Variants in CDH2 observed in about 807,000 individuals in gnomAD.
The protein encoded by CDH2 is cadherin 2.
Under a neutral mutation model 92.0 loss-of-function variants are expected in CDH2, and 17 were observed. The ratio of observed to expected loss-of-function variants is 0.18; its 90% CI spans 0.13 to 0.28. The LOEUF (loss-of-function observed/expected upper bound fraction) is 0.28. Among genes scored for constraint, CDH2 ranks in the 10% least tolerant of loss-of-function variants. The pLI is 1.00. For missense variants in CDH2, 862 were observed against 1,133.1 expected (o/e 0.76, Z 3.44); for synonymous variants, 419 against 415.9 (o/e 1.01, Z -0.09).
At chr18:27,999,741 C>T (rs1023316244) in intron 7 of CDH2, among the ~76,000 whole-genome samples, 2 of 150,512 alleles carry the variant, frequency 1.3e-5, no homozygotes, top group South Asian at 2.1e-4. Context: ...TATATATATA[C>T]ATTTTTTTTG....
chr18:28,045,585 A>C (rs1430540197), intron 2 of CDH2: 1 of 342,792 alleles, frequency 2.9e-6, no homozygotes, highest in East Asian at 8.2e-5. Context: ...ATCTGAGTGG[A>C]ACACTCTTAC....
At chr18:28,057,873 T>C (rs1367615408) in intron 2 of CDH2, among the ~76,000 whole-genome samples, 8 of 152,120 alleles carry the variant, frequency 5.3e-5, no homozygotes, top group Admixed American at 5.2e-4. Flanking sequence ...AAGTTTCCAT[T>C]ATTAAAAGTT....
chr18:28,121,139 G>A (rs1012900192), intron 2 of CDH2, among the ~76,000 whole-genome samples: 1 of 152,084 alleles, frequency 6.6e-6, no homozygotes, highest in East Asian at 1.9e-4. Flanking sequence ...AAAAATGACC[G>A]CAAGAAATCC....
chr18:28,151,954 A>T (rs1325715408), intron 1 of CDH2, among the ~76,000 whole-genome samples: 1 of 152,180 alleles, frequency 6.6e-6, no homozygotes, highest in Non-Finnish European at 1.5e-5. Flanking sequence ...ATAAAACTTC[A>T]TGTATCCTGA....
intron 2 of CDH2, among the ~76,000 whole-genome samples, chr18:28,112,488 G>A (rs1478590222): frequency 6.6e-6 from 1 of 152,180 alleles, no homozygotes; most frequent in Non-Finnish European, 1.5e-5. Flanking sequence ...TTCAGCAAAA[G>A]GCTGTGAAGT....
chr18:28,086,307 G>C (rs1489923304), intron 2 of CDH2, among the ~76,000 whole-genome samples: 2 of 152,056 alleles, frequency 1.3e-5, no homozygotes, highest in Non-Finnish European at 2.9e-5. Flanking sequence ...GAACTCTATA[G>C]TTATTCAGTT....
chr18:28,054,121 A>C (rs1188646001), intron 2 of CDH2, among the ~76,000 whole-genome samples: 1 of 152,172 alleles, frequency 6.6e-6, no homozygotes, highest in Non-Finnish European at 1.5e-5. Context: ...TGTCTGAGTC[A>C]GATTAAAAGT....
Position 27,992,646 on chromosome 18 carries a change from A to G in CDH2, c.1344+9T>C. On this transcript the variant is annotated intron_variant, in intron 9 of 15. Coordinates refer to ENST00000269141, the MANE Select transcript of CDH2 (RefSeq NM_001792.5). Reference sequence around the variant, plus strand: ...TGTTGGAGAGATCAGTGGCCCGAGGAACACTTACTTTGACCACGGTGACTA... The same window carrying G: ...TGTTGGAGAGATCAGTGGCCCGAGGGACACTTACTTTGACCACGGTGACTA... The G allele has an allele frequency of 6.2e-7, 1 of 1,606,686 alleles. No individual in the cohort carries two copies. Among genetic ancestry groups the G allele is most frequent in the Non-Finnish European group, 8.5e-7 (1 of 1,175,570 alleles).
At chr18:28,079,909 A>G (rs2014795336) in intron 2 of CDH2, among the ~76,000 whole-genome samples, 1 of 152,218 alleles carries the variant, frequency 6.6e-6, no homozygotes, top group Non-Finnish European at 1.5e-5. Context: ...TTTTTAAAGC[A>G]GCAAAATATA....
chr18:28,089,349 C>G (rs1391418923), intron 2 of CDH2, among the ~76,000 whole-genome samples: 1 of 152,160 alleles, frequency 6.6e-6, no homozygotes, highest in East Asian at 1.9e-4. Flanking sequence ...AATCAAACAA[C>G]AATATTCAGT....
At chr18:28,173,389 C>G (rs1012987428) in intron 1 of CDH2, among the ~76,000 whole-genome samples, 1 of 152,060 alleles carries the variant, frequency 6.6e-6, no homozygotes, top group Admixed American at 6.5e-5. Flanking sequence ...CAAGTTAACT[C>G]TTCTTATTTT....
intron 14 of CDH2, among the ~76,000 whole-genome samples, chr18:27,982,733 T>G (rs2143945322): frequency 1.4e-5 from 2 of 138,800 alleles, no homozygotes; most frequent in South Asian, 4.6e-4. Flanking sequence ...AAACAAGGTG[T>G]TTTTTTTTTT....
rs368133718 is a variant in CDH2 at position 27,963,360 on chromosome 18, A to G, written c.2511T>C (p.Asn837=). Residue 837 remains asparagine, a synonymous_variant, in exon 15 of 16, where the codon AAT becomes AAC. Coordinates refer to ENST00000269141, the MANE Select transcript of CDH2 (RefSeq NM_001792.5). ...GAAAACGAGTGTCTCTCTGTACCTC[A>G]TTAATGAAGTCCCCAATGTCTCCAG... The part of the protein sequence containing the change: ...PHPGDIGDFI[N]EGLKAADNDP... 90 of 1,613,936 alleles carry G rather than the reference A, an allele frequency of 5.6e-5. No homozygotes were observed. The highest frequency in any genetic ancestry group is 6.6e-5 in the Non-Finnish European group (78 of 1,179,998).
At chr18:28,095,289 GA>G (rs1228188337) in intron 2 of CDH2, among the ~76,000 whole-genome samples, 18 of 151,580 alleles carry the variant, frequency 1.2e-4, no homozygotes, top group Non-Finnish European at 2.1e-4. Context: ...GAATTTAAAA[GA>G]AAAAAAAGGG....
intron 2 of CDH2, among the ~76,000 whole-genome samples, chr18:28,037,387 G>A (rs2013855647): frequency 6.6e-6 from 1 of 152,078 alleles, no homozygotes; most frequent in African/African-American, 2.4e-5. Context: ...TTTTAACAAT[G>A]GATTGTCAGA....
chr18:28,145,712 T>G (rs1306009111), intron 2 of CDH2, among the ~76,000 whole-genome samples: 1 of 152,034 alleles, frequency 6.6e-6, no homozygotes, highest in Admixed American at 6.6e-5. Context: ...CAAAAAGTTG[T>G]TTTTTTCTAC....
chr18:27,952,580 A>C (rs1010167353), intron 15 of CDH2, among the ~76,000 whole-genome samples: 1 of 152,174 alleles, frequency 6.6e-6, no homozygotes, highest in Non-Finnish European at 1.5e-5. Context: ...AACCCTAAGC[A>C]GTCAAGCTCA....
intron 2 of CDH2, among the ~76,000 whole-genome samples, chr18:28,051,263 T>C (rs1232526909): frequency 1.3e-5 from 2 of 152,128 alleles, no homozygotes; most frequent in Non-Finnish European, 2.9e-5. Context: ...AACTAAAGTA[T>C]AGCTAACATG....
At chr18:28,088,842 T>C (rs990770495) in intron 2 of CDH2, among the ~76,000 whole-genome samples, 5 of 152,156 alleles carry the variant, frequency 3.3e-5, no homozygotes, top group African/African-American at 9.7e-5. Flanking sequence ...TGGAGGCAGA[T>C]ATTGCATATC....
Sources: allele counts gnomAD v4.1 joint callset (sites outside exome capture counted in the v4.1 genomes callset), GRCh38; gene constraint gnomAD v4.1.1; transcripts MANE v1.5; gene names NCBI Gene and HGNC (gene_info 2026-07-23, HGNC 2026-07-21).